HECTD4: variants seen among roughly 807,000 people sequenced by gnomAD.
HECTD4 encodes the protein probable E3 ubiquitin-protein ligase HECTD4.
A neutral mutation model predicts 471.5 loss-of-function variants in HECTD4; 114 were observed. The observed-to-expected ratio is 0.24, with a 90% CI of 0.21 to 0.28. The LOEUF (loss-of-function observed/expected upper bound fraction) is 0.28. Ranked by LOEUF, HECTD4 falls within the 10% of genes least tolerant of loss-of-function variation. HECTD4 has a pLI of 1.00. For synonymous variants in HECTD4, 2,012 were observed against 2,256.0 expected, an observed-to-expected ratio of 0.89 and a Z score of 3.07; for missense variants, 3,866 against 5,651.5, an observed-to-expected ratio of 0.68 and a Z score of 10.13.
chr12:112,163,856 G>T lies in HECTD4; in HGVS notation c.12702-119C>A. ...CTTGGGAGAGGCCTGGGGCCCAGCC[G>T]CCCTGGTCATCCCAGTCCTTTCCTG... On this transcript the variant is annotated intron_variant, in intron 73 of 75. Coordinates refer to ENST00000682272, the MANE Select transcript of HECTD4 (RefSeq NM_001388303.1). The surrounding 1 kb of genome is among the most constrained non-coding windows in gnomAD (Gnocchi z 8.2). The T allele has an allele frequency of 1.0e-6, 1 of 994,524 alleles. No individual in the cohort carries two copies. The highest frequency in any genetic ancestry group is 1.4e-6 in the Non-Finnish European group (1 of 721,464). The allele number at this position is 994,524 out of a possible 1,614,324, so 61.6% of individuals were successfully genotyped here.
intron 44 of HECTD4, among the ~76,000 whole-genome samples, chr12:112,222,691 G>A (rs1044226210): frequency 4.0e-5 from 6 of 151,804 alleles, no homozygotes; most frequent in Non-Finnish European, 7.4e-5. Flanking sequence ...AAAATTAGCC[G>A]GGCATGGTGG....
intron 44 of HECTD4, among the ~76,000 whole-genome samples, chr12:112,220,033 A>C (rs1201187341): frequency 6.6e-6 from 1 of 152,130 alleles, no homozygotes; most frequent in Non-Finnish European, 1.5e-5. Flanking sequence ...TGGCCCCAGT[A>C]CTCAGTATTT....
chr12:112,323,982 C>CT (rs2035659581), intron 1 of HECTD4, among the ~76,000 whole-genome samples: 1 of 22,676 alleles, frequency 4.4e-5, no homozygotes, highest in South Asian at 3.0e-3. Flanking sequence ...TCCTTCCTTC[C>CT]TTCCTTCCTT....
chr12:112,309,515 G>C (rs750407850), intron 5 of HECTD4, 46 bp downstream of exon 5: 1 of 817,030 alleles, frequency 1.2e-6, no homozygotes, highest in South Asian at 1.5e-5. Context: ...TATGTAAGGA[G>C]GATAATGTTC....
chr12:112,182,140 T>C (rs181603999), intron 62 of HECTD4, among the ~76,000 whole-genome samples: 3 of 150,860 alleles, frequency 2.0e-5, no homozygotes, highest in African/African-American at 4.9e-5. Flanking sequence ...TAGAACAACA[T>C]AGCAACTCTA....
Position 112,189,441 on chromosome 12 carries a change from A to G in HECTD4, c.9472+1345T>C, listed in dbSNP as rs1013646416. On this transcript the variant is annotated intron_variant, in intron 60 of 75. Coordinates refer to ENST00000682272, the MANE Select transcript of HECTD4 (RefSeq NM_001388303.1). The stretch of plus-strand genomic sequence containing the variant: ...GTGGTGGGCGCCTGTGGTCCTAGCT[A>G]CTCTGGAGGCTGAGGCAGGAGAATG... 3.7e-5 allele frequency among the ~76,000 whole-genome samples: 5 copies of G among 135,926 alleles called. No homozygotes were observed. The Admixed American group carries it at 3.8e-4, about 10-fold the overall frequency. The allele number at this position is 135,926 out of a possible 152,430, so 89.2% of individuals were successfully genotyped here. A position where few individuals can be genotyped will look rare whatever the true frequency, so the allele number is the denominator to read the frequency against.
intron 44 of HECTD4, among the ~76,000 whole-genome samples, chr12:112,225,653 A>G (rs1340155991): frequency 6.6e-6 from 1 of 151,840 alleles, no homozygotes; most frequent in African/African-American, 2.4e-5. Flanking sequence ...AGAGGAATCT[A>G]TATTTTAAAA....
intron 44 of HECTD4, among the ~76,000 whole-genome samples, chr12:112,225,543 G>A (rs552535572): frequency 7.0e-5 from 10 of 142,044 alleles, no homozygotes; most frequent in Non-Finnish European, 1.1e-4. Flanking sequence ...AACGGCAAAT[G>A]AACATGGTAA....
chr12:112,355,169 C>T (rs1013069704), intron 1 of HECTD4, among the ~76,000 whole-genome samples: 1 of 150,492 alleles, frequency 6.6e-6, no homozygotes, highest in African/African-American at 2.4e-5. Context: ...TTAGTAGAGA[C>T]AGGGTTTCGC....
intron 27 of HECTD4, 114 bp from the exon 28 acceptor site, chr12:112,247,664 A>G (rs1430190505): frequency 1.1e-5 from 5 of 459,204 alleles, no homozygotes; most frequent in African/African-American, 2.0e-5. Flanking sequence ...CCACATTTCT[A>G]TGCTTGAAAC....
chr12:112,210,337 G>T (rs765209967), intron 49 of HECTD4, 85 bp from the exon 50 acceptor site: 2 of 1,401,004 alleles, frequency 1.4e-6, no homozygotes, highest in Non-Finnish European at 2.0e-6. Context: ...CTCACTAAAC[G>T]TCACCTTGGA....
chr12:112,219,594 C>A, intron 44 of HECTD4, 105 bp from the exon 45 acceptor site: 1 of 711,832 alleles, frequency 1.4e-6, no homozygotes, highest in South Asian at 2.2e-5. Context: ...ACTTATAGAG[C>A]TCATTGAATT....
chr12:112,306,385 T>C lies in HECTD4; in HGVS notation c.1165-151A>G, dbSNP rs529720555. On this transcript the variant is annotated intron_variant, in intron 6 of 75. Transcript: ENST00000682272. ...TGGATATTTATCTCTAATAATAACA[T>C]ACACAAATTACATGGCAAAAATATA... 2.6e-5 allele frequency among the ~76,000 whole-genome samples: 4 copies of C among 152,310 alleles called. No homozygotes were observed. In the South Asian group the frequency reaches 6.2e-4, roughly 24 times the overall value.
intron 11 of HECTD4, among the ~76,000 whole-genome samples, chr12:112,271,207 T>C (rs1172247753): frequency 2.6e-5 from 4 of 152,180 alleles, no homozygotes; most frequent in African/African-American, 9.7e-5. Context: ...GAAAAAACAC[T>C]GACCCTACAG....
intron 1 of HECTD4, among the ~76,000 whole-genome samples, chr12:112,349,388 C>CAAAAAAAAAAAAAAA (rs60480485): frequency 6.2e-4 from 34 of 54,514 alleles, no homozygotes; most frequent in Non-Finnish European, 1.2e-3. Context: ...ACTCTTGCTC[C>CAAAAAAAAAAAAAAA]AAAAAAAAAA....
At chr12:112,375,790 C>T (rs1446493047) in intron 1 of HECTD4, among the ~76,000 whole-genome samples, 3 of 151,834 alleles carry the variant, frequency 2.0e-5, no homozygotes, top group East Asian at 1.9e-4. Flanking sequence ...TTTCCTAAGC[C>T]GGTCGTGGTG....
Position 112,193,780 on chromosome 12 carries a change from A to G in HECTD4, c.8750-106T>C. The stretch of plus-strand genomic sequence containing the variant: ...AACCCATCCAGAAACCCCAGATGGG[A>G]GGGTTATCCTGGATATGATGTCCTG... On this transcript the variant is annotated intron_variant, in intron 56 of 75. Coordinates refer to ENST00000682272, the MANE Select transcript of HECTD4 (RefSeq NM_001388303.1). This position sits in a 1 kb window ranked among gnomAD's most constrained non-coding sequence, Gnocchi z 5.2. 1 of 961,758 alleles carries G rather than the reference A, an allele frequency of 1.0e-6. No individual in the cohort carries two copies. The allele number at this position is 961,758 out of a possible 1,614,324, so 59.6% of individuals were successfully genotyped here.
chr12:112,354,430 C>G (rs1363511145), intron 1 of HECTD4, among the ~76,000 whole-genome samples: 2 of 152,036 alleles, frequency 1.3e-5, no homozygotes, highest in Non-Finnish European at 2.9e-5. Flanking sequence ...AGGGAAAAAC[C>G]TGGGTATGTT....
At chr12:112,357,650 C>A (rs2036367092) in intron 1 of HECTD4, among the ~76,000 whole-genome samples, 1 of 152,104 alleles carries the variant, frequency 6.6e-6, no homozygotes, top group Non-Finnish European at 1.5e-5. Flanking sequence ...TCTTTAAGAA[C>A]CTTGTTTACC....
Sources: allele counts gnomAD v4.1 joint callset (sites outside exome capture counted in the v4.1 genomes callset), GRCh38; gene constraint gnomAD v4.1.1; non-coding constraint Gnocchi (gnomAD v3.1); transcripts MANE v1.5; gene names NCBI Gene and HGNC (gene_info 2026-07-23, HGNC 2026-07-21).